Variants in TMEM178B observed in about 807,000 individuals in gnomAD.
The protein encoded by TMEM178B is transmembrane protein 178B.
In TMEM178B, 5 loss-of-function variants were observed where a neutral mutation model predicts 31.0. The ratio of observed to expected loss-of-function variants is 0.16; its 90% CI spans 0.08 to 0.34. The LOEUF (loss-of-function observed/expected upper bound fraction) is 0.34. Among genes scored for constraint, TMEM178B ranks in the 10% least tolerant of loss-of-function variants. TMEM178B has a pLI of 1.00. For missense variants in TMEM178B, 275 were observed against 400.3 expected, an observed-to-expected ratio of 0.69 and a Z score of 2.67; for synonymous variants, 164 against 164.0, an observed-to-expected ratio of 1.00 and a Z score of 0.00.
At position 141,093,661 on chromosome 7, in the gene TMEM178B, G is replaced by A. The variant is rs6978536; in HGVS notation, c.382+18969G>A. Among the ~76,000 whole-genome samples, 1,344 of 152,336 alleles carry A rather than the reference G, an allele frequency of 8.8e-3. 20 individuals are homozygous for A. Among genetic ancestry groups the A allele is most frequent in the African/African-American group, 0.03 (1,264 of 41,556 alleles). ...GCACTCCAGCTTGATAGAGCTCAGGGAGATGAGTTGGAATCTGCAAAAGAG... is the reference window on the plus strand; with the variant it reads ...GCACTCCAGCTTGATAGAGCTCAGGAAGATGAGTTGGAATCTGCAAAAGAG... On this transcript the variant is annotated intron_variant, in intron 1 of 3. Transcript: ENST00000565468.
the TMEM178B span, among the ~76,000 whole-genome samples, chr7:141,500,373 G>T: frequency 3.9e-5 from 6 of 152,142 alleles, no homozygotes; most frequent in African/African-American, 1.4e-4. Context: ...TGATTGAGAG[G>T]CTCAGGAAAA....
the TMEM178B span, among the ~76,000 whole-genome samples, chr7:141,497,136 C>T: frequency 6.6e-6 from 1 of 152,008 alleles, no homozygotes; most frequent in Admixed American, 6.5e-5. Flanking sequence ...GCCCTGCACA[C>T]ACAGGTAGAG....
intron 2 of TMEM178B, among the ~76,000 whole-genome samples, chr7:141,347,076 C>T (rs964887728): frequency 5.9e-5 from 9 of 152,314 alleles, no homozygotes; most frequent in African/African-American, 2.2e-4. Flanking sequence ...CCTTCACCTT[C>T]TGCCATGATT....
chr7:141,284,204 C>A (rs533549180), intron 2 of TMEM178B, among the ~76,000 whole-genome samples: 1 of 152,152 alleles, frequency 6.6e-6, no homozygotes, highest in Middle Eastern at 3.2e-3. Context: ...CCACGCGATT[C>A]GGGAGTTGAG....
At chr7:141,446,303 G>T (rs1313585822) in intron 3 of TMEM178B, among the ~76,000 whole-genome samples, 1 of 152,178 alleles carries the variant, frequency 6.6e-6, no homozygotes, top group Non-Finnish European at 1.5e-5. Context: ...TTATCCAGAT[G>T]AATCCAAATC....
intron 2 of TMEM178B, among the ~76,000 whole-genome samples, chr7:141,340,696 T>C (rs1357021774): frequency 6.6e-6 from 1 of 152,156 alleles, no homozygotes; most frequent in East Asian, 1.9e-4. Context: ...AACACTAAAG[T>C]AAAAAGTAAA....
intron 2 of TMEM178B, among the ~76,000 whole-genome samples, chr7:141,340,382 G>A (rs917158): frequency 0.54 from 82,580 of 152,068 alleles, 23,594 homozygotes; most frequent in African/African-American, 0.73. Context: ...ACAGGTACCA[G>A]TTTCTTCTGA....
At chr7:141,208,433 AC>A (rs1563117998) in intron 1 of TMEM178B, among the ~76,000 whole-genome samples, 1 of 152,210 alleles carries the variant, frequency 6.6e-6, no homozygotes, top group African/African-American at 2.4e-5. Flanking sequence ...TTCTGGGCCT[AC>A]TTATTTGGTG....
intron 1 of TMEM178B, among the ~76,000 whole-genome samples, chr7:141,106,608 G>T (rs908156032): frequency 1.3e-5 from 2 of 151,968 alleles, no homozygotes; most frequent in Admixed American, 1.3e-4. Flanking sequence ...TCTTCCTCAG[G>T]CCACTTTCTG....
intron 1 of TMEM178B, among the ~76,000 whole-genome samples, chr7:141,125,451 G>A (rs1161236954): frequency 3.3e-5 from 5 of 152,088 alleles, no homozygotes; most frequent in Non-Finnish European, 5.9e-5. Flanking sequence ...GGGAGGCCGA[G>A]GAGGGTGGAT....
chr7:141,339,470 G>A (rs1476417936), intron 2 of TMEM178B, among the ~76,000 whole-genome samples: 1 of 152,080 alleles, frequency 6.6e-6, no homozygotes, highest in Non-Finnish European at 1.5e-5. Context: ...CAGAAGTCAG[G>A]CCAAGCAGGG....
At chr7:141,215,843 CT>C (rs1363933803) in intron 2 of TMEM178B, among the ~76,000 whole-genome samples, 1 of 94,164 alleles carries the variant, frequency 1.1e-5, no homozygotes, top group Admixed American at 1.1e-4. Context: ...TCTTTCTTTT[CT>C]TTTCTTTTCT....
At chr7:141,172,634 G>A (rs1445446340) in intron 1 of TMEM178B, among the ~76,000 whole-genome samples, 1 of 152,234 alleles carries the variant, frequency 6.6e-6, no homozygotes, top group Non-Finnish European at 1.5e-5. Flanking sequence ...AGCAGCACAG[G>A]ATGCCACAGA....
chr7:141,490,120 G>A, the TMEM178B span, among the ~76,000 whole-genome samples: 1 of 152,148 alleles, frequency 6.6e-6, no homozygotes, highest in Non-Finnish European at 1.5e-5. Context: ...TGAAGAATCA[G>A]CCGTGGTCTT....
intron 2 of TMEM178B, among the ~76,000 whole-genome samples, chr7:141,418,128 C>T (rs1801133895): frequency 6.6e-6 from 1 of 152,180 alleles, no homozygotes; most frequent in Non-Finnish European, 1.5e-5. Context: ...AAGTCTTTCT[C>T]CTCTTCATAG....
At chr7:141,454,913 G>A (rs559353916) in intron 3 of TMEM178B, among the ~76,000 whole-genome samples, 11 of 152,064 alleles carry the variant, frequency 7.2e-5, no homozygotes, top group Middle Eastern at 3.4e-3. Flanking sequence ...ATAAACCCCC[G>A]AGAGGAAAGT....
chr7:141,166,539 T>C (rs1796264887), intron 1 of TMEM178B, among the ~76,000 whole-genome samples: 1 of 152,200 alleles, frequency 6.6e-6, no homozygotes, highest in South Asian at 2.1e-4. Flanking sequence ...TAGAAAGCTT[T>C]GCAAAGATCA....
chr7:141,171,006 TCACACACACATACACACACA>T lies in TMEM178B; in HGVS notation c.383-41574_383-41555del, dbSNP rs1563106690. 8.1e-6 allele frequency among the ~76,000 whole-genome samples: 1 copy of T among 122,838 alleles called. No homozygotes were observed. The highest frequency in any genetic ancestry group is 1.7e-5 in the Non-Finnish European group (1 of 60,428). 80.6% of individuals were successfully genotyped at this position (122,838 alleles called of 152,430 possible). ...GGTTATTACAGGTTCAGACTACACATCACACACACATACACACACACACACACACACACACACACACACAC... is the reference window on the plus strand; with the variant it reads ...GGTTATTACAGGTTCAGACTACACATCACACACACACACACACACACACAC... On this transcript the variant is annotated intron_variant, in intron 1 of 3. Coordinates refer to ENST00000565468, the MANE Select transcript of TMEM178B (RefSeq NM_001195278.2). The surrounding 1 kb of genome is among the most constrained non-coding windows in gnomAD (Gnocchi z 4.3).
intron 1 of TMEM178B, among the ~76,000 whole-genome samples, chr7:141,118,008 A>G (rs375335570): frequency 6.6e-6 from 1 of 152,160 alleles, no homozygotes; most frequent in East Asian, 1.9e-4. Context: ...GTGGTGGAGT[A>G]AAATATTTGT....
Sources: gnomAD v4.1 joint callset for allele counts (sites outside exome capture counted in the v4.1 genomes callset) on GRCh38, gnomAD v4.1.1 for gene constraint, Gnocchi (gnomAD v3.1) non-coding constraint, MANE v1.5 for transcripts, NCBI Gene and HGNC (gene_info 2026-07-23, HGNC 2026-07-21) for gene names.